ATP9B: variants seen among roughly 807,000 people sequenced by gnomAD.
The protein encoded by ATP9B is probable phospholipid-transporting ATPase IIB.
ATP9B carries 110 observed loss-of-function variants against 146.1 expected under a neutral mutation model. That is an observed-to-expected ratio of 0.75 (90% CI 0.65 to 0.88). ATP9B has a LOEUF of 0.88. Ranked by LOEUF, ATP9B falls within the 40% of genes least tolerant of loss-of-function variation. The pLI, the probability that ATP9B is intolerant of heterozygous loss-of-function variation, is 0.00. For missense variants in ATP9B, 1,499 were observed against 1,496.4 expected (o/e 1.00, Z -0.03); for synonymous variants, 604 against 569.7 (o/e 1.06, Z -0.86).
intron 13 of ATP9B, among the ~76,000 whole-genome samples, chr18:79,291,163 C>A (rs913546783): frequency 1.8e-4 from 27 of 152,044 alleles, no homozygotes; most frequent in Non-Finnish European, 3.1e-4. Context: ...CATTAAAGAG[C>A]TGCAGCTTTT....
rs762212066 is a variant in ATP9B at position 79,377,562 on chromosome 18, G to A, written c.*179G>A. On this transcript the variant is annotated 3_prime_UTR_variant, in exon 30 of 30. Transcript: ENST00000426216. The stretch of plus-strand genomic sequence containing the variant: ...AGACAGCCTCTCCTTCTCAGTGCAG[G>A]GACGTCACCCCTGCCAGGCAAGCCC... The A allele has an allele frequency of 7.4e-6, 6 of 811,958 alleles. No individual in the cohort carries two copies. Among genetic ancestry groups the A allele is most frequent in the Non-Finnish European group, 1.1e-5 (6 of 529,850 alleles). The allele number at this position is 811,958 out of a possible 1,614,324, so 50.3% of individuals were successfully genotyped here. A position where few individuals can be genotyped will look rare whatever the true frequency, so the allele number is the denominator to read the frequency against.
intron 5 of ATP9B, among the ~76,000 whole-genome samples, chr18:79,127,824 C>T (rs1175996153): frequency 2.0e-5 from 3 of 152,170 alleles, no homozygotes; most frequent in Admixed American, 1.3e-4. Flanking sequence ...TACATCCCCA[C>T]CAGCAATGGA....
intron 13 of ATP9B, among the ~76,000 whole-genome samples, chr18:79,281,750 G>A (rs1177538837): frequency 1.3e-5 from 2 of 152,182 alleles, no homozygotes; most frequent in East Asian, 3.9e-4. Context: ...GGGGCCAGGT[G>A]CAGTGGCTCA....
At chr18:79,275,773 G>T (rs891386769) in intron 12 of ATP9B, among the ~76,000 whole-genome samples, 2 of 152,240 alleles carry the variant, frequency 1.3e-5, no homozygotes, top group African/African-American at 4.8e-5. Flanking sequence ...CTTAGTGCTT[G>T]TGTCTTTGAT....
Position 79,335,956 on chromosome 18 carries a change from C to T in ATP9B, c.2029-672C>T, listed in dbSNP as rs1281962192. Among the ~76,000 whole-genome samples, 5 of 151,672 alleles carry T rather than the reference C, an allele frequency of 3.3e-5. No homozygotes were observed. In the East Asian group the frequency reaches 9.7e-4, roughly 29 times the overall value. On this transcript the variant is annotated intron_variant, in intron 17 of 29. Coordinates refer to ENST00000426216, the MANE Select transcript of ATP9B (RefSeq NM_198531.5). ...TGGTATTACAACACGCCAGGGGGGT[C>T]CCCCTCTCCCCCAGTGTACACCAGG... is the stretch of plus-strand genomic sequence containing the variant.
At chr18:79,303,368 A>C (rs1322007515) in intron 13 of ATP9B, among the ~76,000 whole-genome samples, 1 of 152,198 alleles carries the variant, frequency 6.6e-6, no homozygotes, top group Non-Finnish European at 1.5e-5. Context: ...TCTCCAAAAA[A>C]AAACACACAA....
At chr18:79,070,431 A>G (rs2071592967) in intron 1 of ATP9B, among the ~76,000 whole-genome samples, 1 of 152,210 alleles carries the variant, frequency 6.6e-6, no homozygotes, top group Admixed American at 6.5e-5. Flanking sequence ...TTTAAACTCA[A>G]GCCATGGTTT....
intron 11 of ATP9B, among the ~76,000 whole-genome samples, chr18:79,249,033 G>C (rs1287481009): frequency 6.6e-6 from 1 of 151,398 alleles, no homozygotes; most frequent in African/African-American, 2.4e-5. Context: ...AAGTGTTGCT[G>C]TGTCATGGAG....
intron 13 of ATP9B, among the ~76,000 whole-genome samples, chr18:79,300,624 A>G (rs1393609617): frequency 6.6e-6 from 1 of 152,196 alleles, no homozygotes; most frequent in Non-Finnish European, 1.5e-5. Flanking sequence ...AGCACCTCAC[A>G]TCCCAGAGGG....
intron 26 of ATP9B, 115 bp from the exon 27 acceptor site, chr18:79,372,710 T>C (rs1344838491): frequency 1.3e-6 from 1 of 770,506 alleles, no homozygotes; most frequent in African/African-American, 1.7e-5. Flanking sequence ...TGGGGTGGCA[T>C]GGATGGGGCT....
chr18:79,157,760 T>C (rs1011622941), intron 7 of ATP9B, among the ~76,000 whole-genome samples: 2 of 152,150 alleles, frequency 1.3e-5, no homozygotes, highest in Non-Finnish European at 2.9e-5. Flanking sequence ...GGTTATCTAA[T>C]CCACTTTATC....
chr18:79,080,231 G>A (rs1309086767), intron 1 of ATP9B, among the ~76,000 whole-genome samples: 2 of 152,186 alleles, frequency 1.3e-5, no homozygotes, highest in Non-Finnish European at 2.9e-5. Flanking sequence ...ATTACTTTGG[G>A]CAGTATGGTC....
intron 15 of ATP9B, among the ~76,000 whole-genome samples, chr18:79,323,698 C>G (rs895160535): frequency 6.6e-6 from 1 of 152,152 alleles, no homozygotes; most frequent in African/African-American, 2.4e-5. Flanking sequence ...TTTCTTCATC[C>G]GTGCATCCAG....
chr18:79,175,056 C>G (rs1338079308), intron 7 of ATP9B, among the ~76,000 whole-genome samples: 1 of 151,908 alleles, frequency 6.6e-6, no homozygotes. Context: ...AAAAAATTAG[C>G]TGGGCATGGT....
intron 28 of ATP9B, among the ~76,000 whole-genome samples, chr18:79,374,538 G>T (rs112297368): frequency 1.9e-4 from 28 of 150,612 alleles, no homozygotes; most frequent in South Asian, 6.4e-4. Context: ...GACAGGAGGC[G>T]CTGAGCCCCG....
intron 25 of ATP9B, among the ~76,000 whole-genome samples, chr18:79,349,641 CGT>C (rs774150554): frequency 1.3e-5 from 2 of 152,188 alleles, no homozygotes; most frequent in Non-Finnish European, 2.9e-5. Flanking sequence ...TCAGTCTGTG[CGT>C]GTGTTAGGTT....
chr18:79,199,906 C>T (rs2095451379), intron 9 of ATP9B, among the ~76,000 whole-genome samples: 1 of 152,090 alleles, frequency 6.6e-6, no homozygotes, highest in Non-Finnish European at 1.5e-5. Context: ...GGGATTTGTC[C>T]CAGGATAACA....
At chr18:79,268,678 A>G (rs2096227651) in intron 12 of ATP9B, among the ~76,000 whole-genome samples, 1 of 152,230 alleles carries the variant, frequency 6.6e-6, no homozygotes, top group Admixed American at 6.5e-5. Flanking sequence ...GTTATTCTTA[A>G]ACCTAACAAT....
intron 15 of ATP9B, among the ~76,000 whole-genome samples, chr18:79,308,701 G>T: frequency 7.1e-6 from 1 of 140,460 alleles, no homozygotes; most frequent in African/African-American, 2.7e-5. Context: ...GCAGGTAGAA[G>T]GTCAGGGGTG....
Sources: allele counts gnomAD v4.1 joint callset (sites outside exome capture counted in the v4.1 genomes callset), GRCh38; gene constraint gnomAD v4.1.1; transcripts MANE v1.5; gene names NCBI Gene and HGNC (gene_info 2026-07-23, HGNC 2026-07-21).